Variants in PDE4D observed in about 807,000 individuals in gnomAD.
The protein encoded by PDE4D is 3',5'-cyclic-AMP phosphodiesterase 4D.
PDE4D carries 24 observed loss-of-function variants against 87.4 expected under a neutral mutation model. The ratio of observed to expected loss-of-function variants is 0.27; its 90% confidence interval spans 0.20 to 0.39. The LOEUF (loss-of-function observed/expected upper bound fraction) is 0.39. Ranked by LOEUF, PDE4D falls within the 10% of genes least tolerant of loss-of-function variation. The probability of loss-of-function intolerance (pLI) is 1.00; values close to 1 mark genes in which losing one functional copy is unlikely to be tolerated. For synonymous variants in PDE4D, 384 were observed against 383.2 expected (o/e 1.00, Z -0.02); for missense variants, 714 against 1,041.0 (o/e 0.69, Z 4.32).
intron 1 of PDE4D, among the ~76,000 whole-genome samples, chr5:60,459,296 G>A (rs1746736484): frequency 6.6e-6 from 1 of 152,086 alleles, no homozygotes; most frequent in Non-Finnish European, 1.5e-5. Flanking sequence ...CATGCCAAAG[G>A]AGAAGCCATG....
At chr5:59,189,143 T>G (rs2153483102) in intron 3 of PDE4D, among the ~76,000 whole-genome samples, 1 of 152,090 alleles carries the variant, frequency 6.6e-6, no homozygotes, top group Middle Eastern at 3.4e-3. Context: ...TCTATAGTAT[T>G]AATAACTACT....
chr5:60,045,190 C>G (rs1769058318), intron 2 of PDE4D, among the ~76,000 whole-genome samples: 1 of 150,374 alleles, frequency 6.7e-6, no homozygotes, highest in Non-Finnish European at 1.5e-5. Context: ...TTCATGTCCA[C>G]CCACTTTTTG....
intron 1 of PDE4D, among the ~76,000 whole-genome samples, chr5:59,340,443 A>C (rs1778521743): frequency 1.3e-5 from 2 of 152,150 alleles, no homozygotes; most frequent in African/African-American, 4.8e-5. Flanking sequence ...GGTACATGAG[A>C]TATTTTGATA....
chr5:60,324,678 G>A (rs973826993), intron 1 of PDE4D, among the ~76,000 whole-genome samples: 2 of 152,218 alleles, frequency 1.3e-5, no homozygotes, highest in Non-Finnish European at 2.9e-5. Flanking sequence ...GGCTAACTGT[G>A]TAGACTGTGA....
In PDE4D at chr5:60,117,939, C is replaced by T. The variant is rs559800314; in HGVS notation, c.42+67618G>A. 3.9e-4 allele frequency among the ~76,000 whole-genome samples: 60 copies of T among 152,158 alleles called. No homozygotes were observed. In the South Asian group the frequency reaches 0.012, roughly 31 times the overall value. On this transcript the variant is annotated intron_variant, in intron 2 of 16. Transcript: ENST00000502484. Reference sequence around the variant, plus strand: ...TCTGACTTCTGTTCACACCACTCTGCTGAAATCTCTCACAAAGATGACATG... The same window carrying T: ...TCTGACTTCTGTTCACACCACTCTGTTGAAATCTCTCACAAAGATGACATG...
At chr5:59,938,138 C>T (rs964235710) in intron 3 of PDE4D, among the ~76,000 whole-genome samples, 5 of 152,174 alleles carry the variant, frequency 3.3e-5, no homozygotes, top group African/African-American at 1.2e-4. Flanking sequence ...TGACTACGTG[C>T]TATTAGCTTC....
chr5:60,292,616 A>C (rs1020986648), intron 1 of PDE4D, among the ~76,000 whole-genome samples: 5 of 152,230 alleles, frequency 3.3e-5, no homozygotes, highest in African/African-American at 1.2e-4. Flanking sequence ...TTTGCAGTGA[A>C]GAGTTATGAA....
intron 1 of PDE4D, among the ~76,000 whole-genome samples, chr5:60,202,833 A>C (rs1473086862): frequency 6.6e-6 from 1 of 152,202 alleles, no homozygotes; most frequent in Non-Finnish European, 1.5e-5. Context: ...TATAGTCAGC[A>C]TGCTATTTCT....
At chr5:60,443,203 G>C (rs1373495274) in intron 1 of PDE4D, among the ~76,000 whole-genome samples, 1 of 152,154 alleles carries the variant, frequency 6.6e-6, no homozygotes, top group Non-Finnish European at 1.5e-5. Flanking sequence ...TGGAGACTGA[G>C]AGAAGAAACC....
chr5:59,833,453 T>G (rs150674521), intron 1 of PDE4D, among the ~76,000 whole-genome samples: 366 of 152,040 alleles, frequency 2.4e-3, no homozygotes, highest in Non-Finnish European at 3.5e-3. Flanking sequence ...CACTGGGAGA[T>G]CCAGAGGGGA....
chr5:60,186,606 A>T (rs910474359), intron 1 of PDE4D, among the ~76,000 whole-genome samples: 8 of 152,092 alleles, frequency 5.3e-5, no homozygotes, highest in Non-Finnish European at 1.0e-4. Flanking sequence ...AAAAACTCTG[A>T]TATTGCAGGT....
At chr5:59,534,413 T>C (rs1393565842) in intron 1 of PDE4D, among the ~76,000 whole-genome samples, 4 of 152,182 alleles carry the variant, frequency 2.6e-5, no homozygotes, top group Admixed American at 6.5e-5. Context: ...CCAATTGTTA[T>C]AATAAAGGTG....
chr5:60,060,167 TTC>T (rs998193776), intron 2 of PDE4D, among the ~76,000 whole-genome samples: 2 of 151,986 alleles, frequency 1.3e-5, no homozygotes, highest in African/African-American at 2.4e-5. Flanking sequence ...CATCACAAAG[TTC>T]TCTCTCTCTT....
chr5:60,518,442 G>A (rs970005818), intron 1 of PDE4D, among the ~76,000 whole-genome samples: 10 of 152,258 alleles, frequency 6.6e-5, no homozygotes, highest in East Asian at 5.8e-4. Flanking sequence ...TTTAAGCAAC[G>A]AATACACAGC....
At chr5:59,147,142 T>C (rs1456994507) in intron 5 of PDE4D, among the ~76,000 whole-genome samples, 2 of 152,074 alleles carry the variant, frequency 1.3e-5, no homozygotes, top group African/African-American at 2.4e-5. Flanking sequence ...CATGGAAAAA[T>C]TGTCTTCCAT....
At chr5:59,110,171 T>C (rs1772363211) in intron 5 of PDE4D, among the ~76,000 whole-genome samples, 1 of 152,256 alleles carries the variant, frequency 6.6e-6, no homozygotes, top group African/African-American at 2.4e-5. Context: ...AAACACTTTG[T>C]AGCTTTTAAG....
At chr5:59,635,399 T>C (rs886847022) in intron 1 of PDE4D, among the ~76,000 whole-genome samples, 1 of 152,194 alleles carries the variant, frequency 6.6e-6, no homozygotes, top group Non-Finnish European at 1.5e-5. Flanking sequence ...GAGGCCAGCA[T>C]CATCCTGATA....
intron 1 of PDE4D, among the ~76,000 whole-genome samples, chr5:59,633,186 T>A (rs1831791683): frequency 6.6e-6 from 1 of 151,354 alleles, no homozygotes; most frequent in Non-Finnish European, 1.5e-5. Flanking sequence ...CAAGATTAGA[T>A]AAAAAAAGAA....
Position 59,430,299 on chromosome 5 carries a change from C to T in PDE4D, c.456-214331G>A, listed in dbSNP as rs912088248. Reference sequence around the variant, plus strand: ...GAGGAAAGGAAAGCAGTTACCGTCTCCTCTGTGGCTTAATATCAATTGGCA... The same window carrying T: ...GAGGAAAGGAAAGCAGTTACCGTCTTCTCTGTGGCTTAATATCAATTGGCA... On this transcript the variant is annotated intron_variant, in intron 1 of 14. Coordinates refer to ENST00000340635, the MANE Select transcript of PDE4D (RefSeq NM_001104631.2). 1.8e-5 allele frequency: 22 copies of T among 1,231,124 alleles called. No homozygotes were observed. The highest frequency in any genetic ancestry group is 2.1e-5 in the Non-Finnish European group (21 of 987,598). 76.3% of individuals were successfully genotyped at this position (1,231,124 alleles called of 1,614,324 possible).
Sources: allele counts gnomAD v4.1 joint callset (sites outside exome capture counted in the v4.1 genomes callset), GRCh38; gene constraint gnomAD v4.1.1; transcripts MANE v1.5; gene names NCBI Gene and HGNC (gene_info 2026-07-23, HGNC 2026-07-21).